MYH7: variants seen among roughly 807,000 people sequenced by gnomAD.
MYH7 encodes the protein myosin heavy chain 7.
A neutral mutation model predicts 225.4 loss-of-function variants in MYH7; 129 were observed. That is an observed-to-expected ratio of 0.57 (90% CI 0.50 to 0.66). The LOEUF (loss-of-function observed/expected upper bound fraction) is 0.66, where lower values mean the gene tolerates loss of function less well. MYH7 is among the 30% of genes least tolerant of loss of function. The pLI, the probability that MYH7 is intolerant of heterozygous loss-of-function variation, is 0.00. For missense variants in MYH7, 1,649 were observed against 2,517.0 expected, an observed-to-expected ratio of 0.66 and a Z score of 7.38; for synonymous variants, 971 against 1,007.6, an observed-to-expected ratio of 0.96 and a Z score of 0.69.
intron 11 of MYH7, 134 bp downstream of exon 11, chr14:23,430,426 G>T (rs1336525468): frequency 2.7e-6 from 2 of 738,896 alleles, no homozygotes; most frequent in Non-Finnish European, 4.8e-6. Flanking sequence ...CTGATCACAG[G>T]GCACATTCTG....
Position 23,435,623 on chromosome 14 carries a change from A to G in MYH7, c.-68T>C, listed in dbSNP as rs1893109487. 1 of 152,210 alleles carries G rather than the reference A, an allele frequency of 6.6e-6. No individual in the cohort carries two copies. The highest frequency in any genetic ancestry group is 2.4e-5 in the African/African-American group (1 of 41,396). 9.4% of individuals were successfully genotyped at this position (152,210 alleles called of 1,614,324 possible). A position where few individuals can be genotyped will look rare whatever the true frequency, so the allele number is the denominator to read the frequency against. ...AGCCTCCAGCTCCCGCTCCTACCTG[A>G]GAGCAGCAGGGAAAGACACAGAGCA... On this transcript the variant is annotated 5_prime_UTR_variant, in exon 1 of 40. Coordinates refer to ENST00000355349, the MANE Select transcript of MYH7 (RefSeq NM_000257.4).
chr14:23,420,525 A>G (rs145334616), intron 26 of MYH7, among the ~76,000 whole-genome samples: 4 of 152,374 alleles, frequency 2.6e-5, no homozygotes, highest in Non-Finnish European at 4.4e-5. Flanking sequence ...ATAAAAAAAT[A>G]ACAAAAGTTG....
In MYH7 at chr14:23,433,760, G is replaced by C. The variant is rs1267154843; in HGVS notation, c.-8-20C>G. 2 of 1,611,862 alleles carry C rather than the reference G, an allele frequency of 1.2e-6. No individual in the cohort carries two copies. Among genetic ancestry groups the C allele is most frequent in the Non-Finnish European group, 1.7e-6 (2 of 1,179,324 alleles). On this transcript the variant is annotated intron_variant, in intron 2 of 39. Coordinates refer to ENST00000355349, the MANE Select transcript of MYH7 (RefSeq NM_000257.4). The surrounding 1 kb of genome is among the most constrained non-coding windows in gnomAD (Gnocchi z 4.1). ...CTGTGCCTGGAGTGAGCAGAAGCTG[G>C]CTGCCCTCCCATCTGCCCATTCTTC...
Position 23,425,456 on chromosome 14 carries a change from G to GCCAT in MYH7, c.2287-39_2287-38insATGG. The GCCAT allele has an allele frequency of 6.2e-7, 1 of 1,613,914 alleles. No homozygotes were observed. Among genetic ancestry groups the GCCAT allele is most frequent in the Non-Finnish European group, 8.5e-7 (1 of 1,180,018 alleles). ...TGTGTGTTGGCCATGACTAGGGAGG[G>GCCAT]GTACGAGGGAAAGAGATGGTGGGGA... On this transcript the variant is annotated intron_variant, in intron 20 of 39. Coordinates refer to ENST00000355349, the MANE Select transcript of MYH7 (RefSeq NM_000257.4). This position sits in a 1 kb window ranked among gnomAD's most constrained non-coding sequence, Gnocchi z 4.6.
rs749320297 is a variant in MYH7 at position 23,414,043 on chromosome 14, T to C, written c.5619A>G (p.Leu1873=). 3 of 1,614,118 alleles carry C rather than the reference T, an allele frequency of 1.9e-6. No homozygotes were observed. The highest frequency in any genetic ancestry group is 3.3e-5 in the Admixed American group (2 of 60,030). ...CCTGGCGCTTGTAGGCCTTGACCTT[T>C]AGCTGCAGCTTGTCTACCAGGTCCT... ...RLQDLVDKLQ[L]KVKAYKRQAE... The change falls in exon 38 of 40, where the codon CTA becomes CTG. Residue 1873 remains leucine (L), a synonymous_variant. Coordinates refer to ENST00000355349, the MANE Select transcript of MYH7 (RefSeq NM_000257.4).
intron 18 of MYH7, 54 bp downstream of exon 18, chr14:23,426,723 G>A (rs1020966988): frequency 6.6e-7 from 1 of 1,516,500 alleles, no homozygotes; most frequent in Middle Eastern, 1.8e-4. Context: ...AGGAGGTCCT[G>A]TTCCCAGGGC....
chr14:23,416,421 T>C (rs1320162618), intron 33 of MYH7, 109 bp from the exon 34 acceptor site: 4 of 1,245,804 alleles, frequency 3.2e-6, no homozygotes, highest in South Asian at 2.9e-5. Context: ...GTGGTGTAAG[T>C]GGTTCAAAGA....
chr14:23,413,295 C>A (rs900938853), intron 39 of MYH7, among the ~76,000 whole-genome samples: 2 of 152,168 alleles, frequency 1.3e-5, no homozygotes, highest in Non-Finnish European at 2.9e-5. Flanking sequence ...AAACTTAGAG[C>A]TGAGCTGGGA....
chr14:23,430,257 T>G (rs1390676155), intron 11 of MYH7, among the ~76,000 whole-genome samples: 1 of 152,162 alleles, frequency 6.6e-6, no homozygotes. Flanking sequence ...TCCAGCCCCA[T>G]GCCGTCTGCA....
At chr14:23,413,562 G>T (rs969258484) in intron 39 of MYH7, among the ~76,000 whole-genome samples, 197 bp downstream of exon 39, 9 of 114,340 alleles carry the variant, frequency 7.9e-5, no homozygotes, top group Non-Finnish European at 1.4e-4. Context: ...GTGAGACACC[G>T]TCTCAAAAAA....
intron 28 of MYH7, 67 bp downstream of exon 28, chr14:23,419,416 G>C: frequency 6.2e-7 from 1 of 1,611,918 alleles, no homozygotes; most frequent in Non-Finnish European, 8.5e-7. Context: ...TTGTGCCCGA[G>C]GCTGGAGTGG....
chr14:23,417,023 GGCT>G, intron 32 of MYH7, 31 bp from the exon 33 acceptor site: 1 of 1,614,112 alleles, frequency 6.2e-7, no homozygotes, highest in South Asian at 1.1e-5. Flanking sequence ...CTCGGTTGAG[GGCT>G]GCTGAGGTCC....
intron 1 of MYH7, among the ~76,000 whole-genome samples, 196 bp downstream of exon 1, chr14:23,435,424 T>C (rs1419507992): frequency 6.6e-6 from 1 of 151,820 alleles, no homozygotes; most frequent in East Asian, 1.9e-4. Flanking sequence ...TGGTCCCATA[T>C]GCTCAGATGC....
intron 26 of MYH7, 137 bp from the exon 27 acceptor site, chr14:23,420,371 T>C: frequency 6.6e-7 from 1 of 1,510,598 alleles, no homozygotes; most frequent in Non-Finnish European, 8.9e-7. Flanking sequence ...ATTAAAGGAT[T>C]TGGGGAAGAT....
At chr14:23,413,667 T>C in intron 39 of MYH7, 92 bp downstream of exon 39, 3 of 1,562,364 alleles carry the variant, frequency 1.9e-6, no homozygotes, top group Non-Finnish European at 2.6e-6. Flanking sequence ...GTGTGTGGAA[T>C]AAATGAAAAG....
chr14:23,427,293 T>A lies in MYH7; in HGVS notation c.1903A>T (p.Lys635Ter), dbSNP rs1430156584. 2 of 1,614,058 alleles carry A rather than the reference T, an allele frequency of 1.2e-6. No individual in the cohort carries two copies. Among genetic ancestry groups the A allele is most frequent in the Non-Finnish European group, 1.7e-6 (2 of 1,180,042 alleles). The change falls in exon 17 of 40, where the codon AAA becomes TAA. Residue 635 changes from lysine to a stop codon, truncating the protein, a stop_gained. Coordinates refer to ENST00000355349, the MANE Select transcript of MYH7 (RefSeq NM_000257.4). LOFTEE classifies it high-confidence loss of function. ...GACGAGCCTTTCTTGGCCTTGCCTT[T>A]GCCCTTCTCAATAGCTGCAGGAAGG... ...AGADAPIEKG[K>*]GKAKKGSSFQ...
At chr14:23,412,905 G>A (rs1180766602) in intron 39 of MYH7, 34 bp from the exon 40 acceptor site, 8 of 1,611,470 alleles carry the variant, frequency 5.0e-6, no homozygotes, top group African/African-American at 1.3e-5. Context: ...ATCAGTCCTT[G>A]GAGAGATGGT....
rs1215862823 is a variant in MYH7, at chr14:23,427,568, C to T, written c.1888+17G>A. 3.1e-6 allele frequency: 5 copies of T among 1,613,588 alleles called. No homozygotes were observed. Among genetic ancestry groups the T allele is most frequent in the Non-Finnish European group, 4.2e-6 (5 of 1,179,868 alleles). On this transcript the variant is annotated intron_variant, in intron 16 of 39. Coordinates refer to ENST00000355349, the MANE Select transcript of MYH7 (RefSeq NM_000257.4). The stretch of plus-strand genomic sequence containing the variant: ...AATCCCTGCTCCTCTGTACCGGGAG[C>T]CTCAGTCCCTACTTACGCGCATCAG...
At chr14:23,435,397 CA>C (rs1893102805) in intron 1 of MYH7, among the ~76,000 whole-genome samples, 2 of 151,300 alleles carry the variant, frequency 1.3e-5, no homozygotes, top group Non-Finnish European at 2.9e-5. Flanking sequence ...CACACACACA[CA>C]CCCTGTAATG....
Sources: allele counts gnomAD v4.1 joint callset (sites outside exome capture counted in the v4.1 genomes callset), GRCh38; gene constraint gnomAD v4.1.1; non-coding constraint Gnocchi (gnomAD v3.1); transcripts MANE v1.5; gene names NCBI Gene and HGNC (gene_info 2026-07-23, HGNC 2026-07-21).